Variants in NRXN3 observed in about 807,000 individuals in gnomAD.
NRXN3 encodes the protein neurexin 3, also known as neurexin III.
A neutral mutation model predicts 137.6 loss-of-function variants in NRXN3; 32 were observed. That is an observed-to-expected ratio of 0.23 (90% CI 0.18 to 0.31). The LOEUF (loss-of-function observed/expected upper bound fraction) is 0.31. Among genes scored for constraint, NRXN3 ranks in the 10% least tolerant of loss-of-function variants. The pLI is 1.00. For missense variants in NRXN3, 1,574 were observed against 2,062.5 expected (o/e 0.76, Z 4.59); for synonymous variants, 798 against 784.5 (o/e 1.02, Z -0.29).
chr14:78,739,238 G>A (rs2098553794), intron 8 of NRXN3, among the ~76,000 whole-genome samples: 1 of 152,242 alleles, frequency 6.6e-6, no homozygotes, highest in African/African-American at 2.4e-5. Context: ...TTCCAAGCGA[G>A]GCAGCCCAGA....
chr14:79,564,797 T>C (rs752968353), intron 16 of NRXN3, among the ~76,000 whole-genome samples: 11 of 152,146 alleles, frequency 7.2e-5, no homozygotes, highest in Non-Finnish European at 4.4e-5. Flanking sequence ...GGAACAAACC[T>C]GTCATACCTT....
intron 4 of NRXN3, among the ~76,000 whole-genome samples, chr14:78,623,449 A>C (rs1202802562): frequency 1.3e-5 from 2 of 152,332 alleles, no homozygotes; most frequent in East Asian, 3.9e-4. Flanking sequence ...ACTCCCTTCC[A>C]CAGATGGCAT....
rs143329790 is a variant in NRXN3, at chr14:78,755,112, C to T, written c.2044+39973C>T. Among the ~76,000 whole-genome samples, 345 of 152,112 alleles carry T rather than the reference C, an allele frequency of 2.3e-3. 2 individuals carry two copies. Among genetic ancestry groups the T allele is most frequent in the Non-Finnish European group, 3.0e-3 (207 of 68,018 alleles). On this transcript the variant is annotated intron_variant, in intron 8 of 20. Transcript: ENST00000335750. ...CACGATCATAGCTCACTGTCACCCC[C>T]GGGCTAAATTCTCCCACCTCAGACT...
chr14:78,324,425 A>G (rs1009486423), intron 4 of NRXN3, among the ~76,000 whole-genome samples: 17 of 152,114 alleles, frequency 1.1e-4, no homozygotes, highest in African/African-American at 4.1e-4. Flanking sequence ...GAAAGTGGGA[A>G]GAAAAAAATG....
At chr14:78,714,612 C>G (rs960383936) in intron 7 of NRXN3, 144 bp from the exon 8 acceptor site, 1 of 985,816 alleles carries the variant, frequency 1.0e-6, no homozygotes, top group Non-Finnish European at 1.5e-6. Flanking sequence ...ATTGTCTTTT[C>G]CATTGTCTTG....
In NRXN3 at chr14:79,861,648, G is replaced by C. The variant is rs372128835; in HGVS notation, c.4400G>C (p.Arg1467Pro). The part of the protein sequence containing the change: ...KSPLITSPMF[R>P]NVPTANPTEP... ...CCACTAATTACTTCCCCCATGTTCCGTAATGTGCCCACAGCAAACCCCACG... is the reference window on the plus strand; with the variant it reads ...CCACTAATTACTTCCCCCATGTTCCCTAATGTGCCCACAGCAAACCCCACG... The change falls in exon 21 of 21, where the codon CGT becomes CCT. Residue 1467 changes from arginine (R) to proline (P), a missense_variant. Physicochemically the swap from Arg to Pro is moderately radical, Grantham distance 103. Around this residue, in one of 5 missense-constraint regions of NRXN3, gnomAD observed 320 missense variants for 387.1 expected, o/e 0.83. Transcript: ENST00000335750. This position sits in a 1 kb window ranked among gnomAD's most constrained non-coding sequence, Gnocchi z 5.4. The C allele has an allele frequency of 6.2e-7, 1 of 1,614,080 alleles. No individual in the cohort carries two copies. The highest frequency in any genetic ancestry group is 1.1e-5 in the South Asian group (1 of 91,078).
At chr14:78,515,908 A>G (rs146059423) in intron 4 of NRXN3, among the ~76,000 whole-genome samples, 6 of 152,300 alleles carry the variant, frequency 3.9e-5, no homozygotes, top group Non-Finnish European at 8.8e-5. Flanking sequence ...CTTGGACTCT[A>G]GAATCCAAAT....
chr14:78,934,171 A>G lies in NRXN3; in HGVS notation c.2276-23071A>G, dbSNP rs571655424. Among the ~76,000 whole-genome samples the G allele has an allele frequency of 3.3e-5, 5 of 151,940 alleles. No homozygotes were observed. In the South Asian group the frequency reaches 1.0e-3, roughly 32 times the overall value. On this transcript the variant is annotated intron_variant, in intron 10 of 20. Coordinates refer to ENST00000335750, the MANE Select transcript of NRXN3 (RefSeq NM_001330195.2). Reference sequence around the variant, plus strand: ...CAAGAAAACGACAACCAAAAAAAAAAAAAAAAAAACCCCAAAACCAAAGCA... The same window carrying G: ...CAAGAAAACGACAACCAAAAAAAAAGAAAAAAAAACCCCAAAACCAAAGCA...
Position 79,176,152 on chromosome 14 carries a change from G to A in NRXN3, c.3262+188011G>A, listed in dbSNP as rs558637612. Among the ~76,000 whole-genome samples, 6 of 152,274 alleles carry A rather than the reference G, an allele frequency of 3.9e-5. No homozygotes were observed. In the East Asian group the frequency reaches 1.2e-3, roughly 29 times the overall value. On this transcript the variant is annotated intron_variant, in intron 15 of 20. Transcript: ENST00000335750. ...TTGAATATGTGAACGAACCAACCACGTTAACAGGAACTGTACTGTTATAGC... is the reference window on the plus strand; with the variant it reads ...TTGAATATGTGAACGAACCAACCACATTAACAGGAACTGTACTGTTATAGC...
chr14:78,898,059 C>T (rs1174149550), intron 10 of NRXN3, among the ~76,000 whole-genome samples: 1 of 151,982 alleles, frequency 6.6e-6, no homozygotes, highest in Middle Eastern at 3.4e-3. Context: ...CTATGCCTCC[C>T]TAATATGCAA....
chr14:78,549,608 A>G (rs1307413692), intron 4 of NRXN3, among the ~76,000 whole-genome samples: 1 of 152,170 alleles, frequency 6.6e-6, no homozygotes, highest in African/African-American at 2.4e-5. Flanking sequence ...ACCCCAGTGG[A>G]TATTTTTTGA....
rs139147392 is a variant in NRXN3 at position 78,978,990 on chromosome 14, A to G, written c.3143-9032A>G. On this transcript the variant is annotated intron_variant, in intron 14 of 20. Transcript: ENST00000335750. ...CAAGAACCAGGAGCACAAGTGTCCA[A>G]TGTCTGAGGGCTAGAGAATATGGCT... is the stretch of plus-strand genomic sequence containing the variant. Among the ~76,000 whole-genome samples the G allele has an allele frequency of 2.5e-3, 385 of 152,028 alleles. 2 individuals are homozygous for G. The highest frequency in any genetic ancestry group is 8.8e-3 in the African/African-American group (367 of 41,502).
At chr14:78,205,578 G>A (rs2062106465) in intron 1 of NRXN3, among the ~76,000 whole-genome samples, 1 of 152,246 alleles carries the variant, frequency 6.6e-6, no homozygotes, top group Non-Finnish European at 1.5e-5. Flanking sequence ...AGGCCAAGAG[G>A]GTAAAGAGGA....
At chr14:79,350,276 A>G (rs1461476357) in intron 15 of NRXN3, among the ~76,000 whole-genome samples, 1 of 152,200 alleles carries the variant, frequency 6.6e-6, no homozygotes, top group African/African-American at 2.4e-5. Flanking sequence ...CAACTTTCAT[A>G]CTTTCATTGT....
chr14:78,416,225 G>A (rs1238437197), intron 4 of NRXN3, among the ~76,000 whole-genome samples: 1 of 152,122 alleles, frequency 6.6e-6, no homozygotes, highest in Non-Finnish European at 1.5e-5. Flanking sequence ...TTTATGAGAA[G>A]TTTAATTCTT....
chr14:79,750,853 G>C lies in NRXN3; in HGVS notation c.4014+52916G>C, dbSNP rs574716045. Among the ~76,000 whole-genome samples, 275 of 152,240 alleles carry C rather than the reference G, an allele frequency of 1.8e-3. 2 individuals are homozygous for C. Among genetic ancestry groups the C allele is most frequent in the African/African-American group, 6.5e-3 (269 of 41,530 alleles). ...AAACCCCCCAAAAAGTAAAATGTCAGGGTGACCAGAGAGAACCTTAGATAG... is the reference window on the plus strand; with the variant it reads ...AAACCCCCCAAAAAGTAAAATGTCACGGTGACCAGAGAGAACCTTAGATAG... On this transcript the variant is annotated intron_variant, in intron 19 of 20. Coordinates refer to ENST00000335750, the MANE Select transcript of NRXN3 (RefSeq NM_001330195.2).
intron 4 of NRXN3, among the ~76,000 whole-genome samples, chr14:78,461,948 T>C (rs557967647): frequency 6.6e-6 from 1 of 152,324 alleles, no homozygotes; most frequent in African/African-American, 2.4e-5. Flanking sequence ...CAGGCAGTGC[T>C]TTGGGGATAA....
At chr14:79,616,369 A>G (rs1053810625) in intron 16 of NRXN3, among the ~76,000 whole-genome samples, 1 of 152,144 alleles carries the variant, frequency 6.6e-6, no homozygotes, top group African/African-American at 2.4e-5. Flanking sequence ...GGTGGGGAGT[A>G]GAATTGGTGA....
intron 6 of NRXN3, among the ~76,000 whole-genome samples, chr14:78,692,181 A>G (rs1439154265): frequency 6.6e-6 from 1 of 152,178 alleles, no homozygotes; most frequent in African/African-American, 2.4e-5. Context: ...GCAGTCCAAA[A>G]TTAAGCTCTA....
Sources: allele counts gnomAD v4.1 joint callset (sites outside exome capture counted in the v4.1 genomes callset), GRCh38; gene constraint gnomAD v4.1.1; regional missense constraint gnomAD v4.1.1; non-coding constraint Gnocchi (gnomAD v3.1); transcripts MANE v1.5; gene names NCBI Gene and HGNC (gene_info 2026-07-23, HGNC 2026-07-21).